Variants in ATRN observed in about 807,000 individuals in gnomAD.
ATRN encodes the protein attractin-2.
A neutral mutation model predicts 178.7 loss-of-function variants in ATRN; 54 were observed. That is an observed-to-expected ratio of 0.30 (90% CI 0.24 to 0.38). The LOEUF is 0.38. Among genes scored for constraint, ATRN ranks in the 10% least tolerant of loss-of-function variants. The pLI, the probability that ATRN is intolerant of heterozygous loss-of-function variation, is 1.00. For missense variants in ATRN, 1,443 were observed against 1,815.1 expected, an observed-to-expected ratio of 0.79 and a Z score of 3.73; for synonymous variants, 636 against 663.0, an observed-to-expected ratio of 0.96 and a Z score of 0.63.
At chr20:3,523,271 A>C (rs1359024026) in intron 1 of ATRN, among the ~76,000 whole-genome samples, 2 of 151,934 alleles carry the variant, frequency 1.3e-5, no homozygotes, top group African/African-American at 2.4e-5. Context: ...TGAAGCATAC[A>C]CAAGTATCAA....
intron 1 of ATRN, among the ~76,000 whole-genome samples, chr20:3,531,786 G>A (rs368037321): frequency 1.3e-5 from 2 of 151,266 alleles, no homozygotes; most frequent in East Asian, 3.8e-4. Flanking sequence ...AGTAACTGGG[G>A]AAGTGGGTTA....
In ATRN at chr20:3,562,358, G is replaced by A. The variant is rs2085965846; in HGVS notation, c.1530G>A (p.Arg510=). Residue 510 remains arginine, a synonymous_variant, in exon 9 of 29, where the codon AGG becomes AGA. Coordinates refer to ENST00000262919, the MANE Select transcript of ATRN (RefSeq NM_139321.3). Reference sequence around the variant, plus strand: ...GCCATAGCAGTGTTTACGACCATAGGACCAGGGCCCTATACGTTCATGGTG... The same window carrying A: ...GCCATAGCAGTGTTTACGACCATAGAACCAGGGCCCTATACGTTCATGGTG... ...GYGHSSVYDH[R]TRALYVHGGY... 1.2e-6 allele frequency: 2 copies of A among 1,613,950 alleles called. No homozygotes were observed. The highest frequency in any genetic ancestry group is 1.7e-6 in the Non-Finnish European group (2 of 1,180,006).
At position 3,580,959 on chromosome 20, in the gene ATRN, A is replaced by C. The variant is rs145333125; in HGVS notation, c.2545-1176A>C. ...ATTTTTTCCTCTCAAAAATGGAAATAGGCTGGGTGTGGTGGCTCCTGCCTG... is the reference window on the plus strand; with the variant it reads ...ATTTTTTCCTCTCAAAAATGGAAATCGGCTGGGTGTGGTGGCTCCTGCCTG... On this transcript the variant is annotated intron_variant, in intron 15 of 28. Coordinates refer to ENST00000262919, the MANE Select transcript of ATRN (RefSeq NM_139321.3). 8.1e-3 allele frequency among the ~76,000 whole-genome samples: 1,227 copies of C among 152,292 alleles called. 10 individuals are homozygous for C. The highest frequency in any genetic ancestry group is 0.013 in the Admixed American group (204 of 15,302).
In ATRN at chr20:3,596,430, G is replaced by A; in HGVS notation, c.3469+1G>A. The A allele has an allele frequency of 1.2e-6, 2 of 1,612,818 alleles. No individual in the cohort carries two copies. Among genetic ancestry groups the A allele is most frequent in the Non-Finnish European group, 1.7e-6 (2 of 1,178,906 alleles). On this transcript the variant is annotated splice_donor_variant, in intron 21 of 28. Coordinates refer to ENST00000262919, the MANE Select transcript of ATRN (RefSeq NM_139321.3). LOFTEE classifies it high-confidence loss of function. ...AACCCTCTCAGAGGAACATGTTATT[G>A]TAAGTGGTTTTGCAATTCTTATTTC...
chr20:3,562,166 A>G lies in ATRN; in HGVS notation c.1448-110A>G, dbSNP rs566810821. 1.2e-5 allele frequency: 10 copies of G among 863,590 alleles called. No homozygotes were observed. In the African/African-American group the frequency reaches 1.7e-4, roughly 15 times the overall value. 53.5% of individuals were successfully genotyped at this position (863,590 alleles called of 1,614,324 possible). On this transcript the variant is annotated intron_variant, in intron 8 of 28. Coordinates refer to ENST00000262919, the MANE Select transcript of ATRN (RefSeq NM_139321.3). ...TTAAAATATAAAGATAAAAAAGTAT[A>G]TGTATCAGGTCTCCTGAAATCCATT...
At position 3,583,945 on chromosome 20, in the gene ATRN, G is replaced by A. The variant is rs762089762; in HGVS notation, c.2812G>A (p.Ala938Thr). The change falls in exon 17 of 29, where the codon GCA becomes ACA. Residue 938 changes from alanine (A) to threonine (T), a missense_variant. By Grantham distance (58) the Ala-to-Thr change is moderately conservative. Around this residue, in one of 4 missense-constraint regions of ATRN, gnomAD observed 212 missense variants for 330.7 expected, o/e 0.64. Transcript: ENST00000262919. ...QCRTPCALRT[A>T]CGDCTSGSSE... ...CCGGACACCATGTGCCTTGAGGACA[G>A]CATGTGGAGATTGCACCAGCGGCAG... The A allele has an allele frequency of 1.1e-5, 18 of 1,614,110 alleles. No homozygotes were observed. In the East Asian group the frequency reaches 1.6e-4, roughly 14 times the overall value.
At chr20:3,506,533 A>G (rs2085046662) in intron 1 of ATRN, among the ~76,000 whole-genome samples, 1 of 151,976 alleles carries the variant, frequency 6.6e-6, no homozygotes. Flanking sequence ...CTGAGACAGG[A>G]GAACAATTTG....
intron 2 of ATRN, among the ~76,000 whole-genome samples, chr20:3,535,852 A>C (rs954224289): frequency 1.3e-5 from 2 of 151,960 alleles, no homozygotes; most frequent in African/African-American, 2.4e-5. Context: ...ATGGTCTCGA[A>C]CTCCTGACCT....
intron 24 of ATRN, among the ~76,000 whole-genome samples, chr20:3,614,316 A>G (rs1429002714): frequency 6.6e-6 from 1 of 152,152 alleles, no homozygotes; most frequent in Non-Finnish European, 1.5e-5. Flanking sequence ...TAGGTATTCA[A>G]GATAGAAGAT....
chr20:3,605,664 C>T (rs1421069639), intron 24 of ATRN, among the ~76,000 whole-genome samples: 1 of 152,170 alleles, frequency 6.6e-6, no homozygotes, highest in Non-Finnish European at 1.5e-5. Flanking sequence ...AACGGAAAAC[C>T]AGGTACCACA....
intron 13 of ATRN, among the ~76,000 whole-genome samples, chr20:3,576,571 T>C (rs149128574): frequency 6.6e-6 from 1 of 152,214 alleles, no homozygotes; most frequent in East Asian, 1.9e-4. Context: ...GGTTGAGGCA[T>C]GGTGTTTAAA....
chr20:3,603,638 C>T (rs532519933), intron 23 of ATRN, among the ~76,000 whole-genome samples: 2 of 151,928 alleles, frequency 1.3e-5, no homozygotes, highest in African/African-American at 2.4e-5. Context: ...TACAGGCATG[C>T]GCCACCACGC....
chr20:3,577,022 T>A (rs2086222016), intron 14 of ATRN, 25 bp downstream of exon 14: 1 of 1,612,358 alleles, frequency 6.2e-7, no homozygotes, highest in African/African-American at 1.3e-5. Context: ...GTCATCTTGG[T>A]GTGTGTGGGT....
intron 2 of ATRN, among the ~76,000 whole-genome samples, chr20:3,539,179 A>G (rs1361251434): frequency 6.6e-6 from 1 of 152,246 alleles, no homozygotes; most frequent in Non-Finnish European, 1.5e-5. Flanking sequence ...AGAATTAGGC[A>G]TCAGCAGGAT....
chr20:3,506,914 G>A (rs1178409005), intron 1 of ATRN, among the ~76,000 whole-genome samples: 1 of 152,010 alleles, frequency 6.6e-6, no homozygotes, highest in African/African-American at 2.4e-5. Context: ...TACAATAATT[G>A]ATTTTGAAGA....
intron 1 of ATRN, among the ~76,000 whole-genome samples, chr20:3,530,253 A>G (rs1203227028): frequency 1.4e-5 from 2 of 147,512 alleles, no homozygotes; most frequent in African/African-American, 4.9e-5. Context: ...AAAAAATTAT[A>G]TATTATATAT....
At chr20:3,575,038 A>T (rs1283114194) in intron 12 of ATRN, among the ~76,000 whole-genome samples, 1 of 150,994 alleles carries the variant, frequency 6.6e-6, no homozygotes, top group African/African-American at 2.4e-5. Context: ...GCTCACTGCA[A>T]CCTCCGCCTC....
Position 3,545,241 on chromosome 20 carries a change from A to G in ATRN, c.609-521A>G, listed in dbSNP as rs2146198185. On this transcript the variant is annotated intron_variant, in intron 3 of 28. Transcript: ENST00000262919. ...AAATTAGCTGGGCATGGTGGTGGGC[A>G]CCTGTAATCCCAGCTACTCAGGAGG... Among the ~76,000 whole-genome samples, 3 of 151,822 alleles carry G rather than the reference A, an allele frequency of 2.0e-5. No individual in the cohort carries two copies. In the South Asian group the frequency reaches 6.2e-4, roughly 32 times the overall value.
chr20:3,507,821 A>AGCTGCGCCACCACG (rs2085068429), intron 1 of ATRN, among the ~76,000 whole-genome samples: 1 of 150,462 alleles, frequency 6.6e-6, no homozygotes, highest in South Asian at 2.1e-4. Context: ...AATAGCTGGG[A>AGCTGCGCCACCACG]CTACAGGCGC....
Sources: allele counts gnomAD v4.1 joint callset (sites outside exome capture counted in the v4.1 genomes callset), GRCh38; gene constraint gnomAD v4.1.1; regional missense constraint gnomAD v4.1.1; transcripts MANE v1.5; gene names NCBI Gene and HGNC (gene_info 2026-07-23, HGNC 2026-07-21).